MIR17HG: variants seen among roughly 807,000 people sequenced by gnomAD.
MIR17HG encodes the protein MIR17 host gene (non-protein coding).
chr13:91,348,174 G>T (rs1441265067), intron 1 of MIR17HG, among the ~76,000 whole-genome samples: 1 of 140,558 alleles, frequency 7.1e-6, no homozygotes, highest in African/African-American at 2.6e-5. Flanking sequence ...GGGGGGCAGG[G>T]CCGGGGCGGG....
intron 3 of MIR17HG, chr13:91,352,251 A>G (rs1875352075): frequency 1.3e-5 from 2 of 152,198 alleles, no homozygotes; most frequent in Non-Finnish European, 2.9e-5. Flanking sequence ...AAGAAGTGGC[A>G]GTTAGTGTTT....
intron 1 of MIR17HG, among the ~76,000 whole-genome samples, chr13:91,348,997 T>G: frequency 6.7e-6 from 1 of 148,756 alleles, no homozygotes; most frequent in Admixed American, 6.7e-5. Context: ...GCGCCGCCGG[T>G]CGCCGCGCGG....
intron 3 of MIR17HG, chr13:91,351,025 G>A (rs758255422): frequency 1.5e-5 from 8 of 527,640 alleles, no homozygotes; most frequent in Non-Finnish European, 2.4e-5. Flanking sequence ...TTATTGTGTC[G>A]ATGTAGAATC....
intron 1 of MIR17HG, among the ~76,000 whole-genome samples, chr13:91,348,962 G>A: frequency 6.7e-6 from 1 of 149,480 alleles, no homozygotes. Context: ...CGGCGCGCCC[G>A]CGTCCCCGCC....
intron 3 of MIR17HG, chr13:91,352,219 TAA>T (rs1241915979): frequency 6.6e-6 from 1 of 152,222 alleles, no homozygotes; most frequent in Non-Finnish European, 1.5e-5. Flanking sequence ...TTATTTGACT[TAA>T]AGTCACTGAA....
chr13:91,348,908 C>T (rs1875117710), intron 1 of MIR17HG, among the ~76,000 whole-genome samples: 2 of 149,180 alleles, frequency 1.3e-5, no homozygotes, highest in African/African-American at 4.9e-5. Context: ...AGCCCCCGCC[C>T]CTCTGGGCCG....
At position 91,348,898 on chromosome 13, in the gene MIR17HG, AG is replaced by A. The variant is rs1476930520; in HGVS notation, n.141-799del. On this transcript the variant is annotated intron_variant and non_coding_transcript_variant, in intron 1 of 3. Transcript: ENST00000400282. Reference sequence around the variant, plus strand: ...CGTGCGACGGGCACCGCGGCCGCGGAGCCCCCGCCCCTCTGGGCCGGGCTCG... The same window carrying A: ...CGTGCGACGGGCACCGCGGCCGCGGACCCCCGCCCCTCTGGGCCGGGCTCG... 6.1e-5 allele frequency among the ~76,000 whole-genome samples: 9 copies of A among 147,482 alleles called. No homozygotes were observed. The East Asian group carries it at 1.8e-3, about 30-fold the overall frequency.
chr13:91,353,404 A>C (rs757828036), intron 3 of MIR17HG, among the ~76,000 whole-genome samples: 9 of 152,294 alleles, frequency 5.9e-5, no homozygotes, highest in Non-Finnish European at 1.0e-4. Flanking sequence ...ATAAATGTGT[A>C]TGTTTTGTTG....
intron 1 of MIR17HG, among the ~76,000 whole-genome samples, chr13:91,349,482 C>T (rs1460356256): frequency 6.6e-6 from 1 of 152,042 alleles, no homozygotes; most frequent in African/African-American, 2.4e-5. Flanking sequence ...TATCTGATAG[C>T]TAAGGATTTT....
In MIR17HG at chr13:91,348,985, C is replaced by T. The variant is rs1875128895; in HGVS notation, n.141-713C>T. ...CCGCGTCCCCGCCGCACTCGGGCCTCGGCGCCGCCGGTCGCCGCGCGGCTG... is the reference window on the plus strand; with the variant it reads ...CCGCGTCCCCGCCGCACTCGGGCCTTGGCGCCGCCGGTCGCCGCGCGGCTG... On this transcript the variant is annotated intron_variant and non_coding_transcript_variant, in intron 1 of 3. Coordinates refer to ENST00000400282, the Ensembl canonical transcript of MIR17HG. Among the ~76,000 whole-genome samples the T allele has an allele frequency of 1.3e-5, 2 of 150,344 alleles. 1 individual carries two copies. The highest frequency in any genetic ancestry group is 4.2e-4 in the South Asian group (2 of 4,818).
intron 3 of MIR17HG, chr13:91,350,370 G>A: frequency 3.1e-6 from 1 of 322,840 alleles, no homozygotes. Context: ...TCCAGTGCTA[G>A]TTGGATGGTT....
intron 3 of MIR17HG, chr13:91,351,084 A>C: frequency 1.9e-6 from 1 of 523,580 alleles, no homozygotes; most frequent in South Asian, 1.4e-5. Context: ...AAGTGCTTAT[A>C]GTGCAGGTAG....
chr13:91,350,460 ACT>A, intron 3 of MIR17HG: 1 of 396,342 alleles, frequency 2.5e-6, no homozygotes, highest in Non-Finnish European at 5.1e-6. Flanking sequence ...AGATAATTAA[ACT>A]AATTTTTTCT....
intron 2 of MIR17HG, chr13:91,349,854 TAGAG>T (rs1270428937): frequency 4.6e-5 from 7 of 152,226 alleles, no homozygotes; most frequent in Admixed American, 1.3e-4. Flanking sequence ...ATTGGTTTCT[TAGAG>T]AGTAAAAGTA....
At chr13:91,350,670 C>CTT (rs748812871) in intron 3 of MIR17HG, 7 of 534,448 alleles carry the variant, frequency 1.3e-5, no homozygotes, top group Admixed American at 3.9e-5. Context: ...AGTGAAGGCA[C>CTT]TTGTAGCATT....
At chr13:91,351,726 T>TA in intron 3 of MIR17HG, 1 of 204,982 alleles carries the variant, frequency 4.9e-6, no homozygotes, top group East Asian at 9.6e-5. Flanking sequence ...ATATTTTACT[T>TA]AATCTAAAAG....
chr13:91,349,249 C>A (rs1252779725), intron 1 of MIR17HG, among the ~76,000 whole-genome samples: 1 of 152,182 alleles, frequency 6.6e-6, no homozygotes, highest in Non-Finnish European at 1.5e-5. Flanking sequence ...CTCGTCGTTG[C>A]AATATCACCA....
chr13:91,350,056 G>A (rs1248105661), intron 2 of MIR17HG: 2 of 154,458 alleles, frequency 1.3e-5, no homozygotes, highest in Non-Finnish European at 2.9e-5. Flanking sequence ...GATATAACCT[G>A]AGATGATAGA....
intron 1 of MIR17HG, chr13:91,349,562 G>C (rs1468137355): frequency 6.6e-6 from 1 of 152,182 alleles, no homozygotes; most frequent in African/African-American, 2.4e-5. Context: ...AGTATTGCTC[G>C]ACTCTTACTC....
Sources: gnomAD v4.1 joint callset for allele counts (sites outside exome capture counted in the v4.1 genomes callset) on GRCh38, gnomAD v4.1.1 for gene constraint, MANE v1.5 for transcripts, NCBI Gene and HGNC (gene_info 2026-07-23, HGNC 2026-07-21) for gene names.